RGS6: variants seen among roughly 807,000 people sequenced by gnomAD.
The protein encoded by RGS6 is regulator of G-protein signaling 6.
In RGS6, 30 loss-of-function variants were observed where a neutral mutation model predicts 78.5. That is an observed-to-expected ratio of 0.38 (90% CI 0.29 to 0.52). The LOEUF (loss-of-function observed/expected upper bound fraction) is 0.52, where lower values mean the gene tolerates loss of function less well. RGS6 is among the 20% of genes least tolerant of loss of function. RGS6 has a pLI of 0.85. For missense variants in RGS6, 495 were observed against 609.7 expected (o/e 0.81, Z 1.98); for synonymous variants, 206 against 206.0 (o/e 1.00, Z 0.00).
chr14:72,346,123 A>G (rs889873614), intron 2 of RGS6, among the ~76,000 whole-genome samples: 2 of 152,350 alleles, frequency 1.3e-5, no homozygotes, highest in South Asian at 4.1e-4. Context: ...GAAGTGCTTC[A>G]GTAAAAAGAA....
chr14:71,912,017 T>TC, the RGS6 span, among the ~76,000 whole-genome samples: 1 of 152,148 alleles, frequency 6.6e-6, no homozygotes, highest in Non-Finnish European at 1.5e-5. Flanking sequence ...TTAGGTTCTA[T>TC]CCATCAAAAG....
intron 17 of RGS6, among the ~76,000 whole-genome samples, chr14:72,556,335 G>A (rs1369122951): frequency 6.6e-6 from 1 of 151,978 alleles, no homozygotes; most frequent in East Asian, 1.9e-4. Flanking sequence ...AAAAACCATC[G>A]GATCTCATGA....
chr14:71,947,054 T>A (rs1425126505), intron 1 of RGS6, among the ~76,000 whole-genome samples: 1 of 152,216 alleles, frequency 6.6e-6, no homozygotes, highest in Non-Finnish European at 1.5e-5. Flanking sequence ...TTTCAGGCTG[T>A]CAGCCCCCCT....
chr14:71,915,841 C>T, the RGS6 span, among the ~76,000 whole-genome samples: 2 of 152,104 alleles, frequency 1.3e-5, no homozygotes, highest in Admixed American at 1.3e-4. Flanking sequence ...TTAGGATGGG[C>T]CTTAATCCAC....
intron 2 of RGS6, among the ~76,000 whole-genome samples, chr14:72,074,400 G>A (rs2094507258): frequency 6.6e-6 from 1 of 151,638 alleles, no homozygotes; most frequent in Non-Finnish European, 1.5e-5. Flanking sequence ...GTCTAGCTCT[G>A]TTGCTCAGGC....
intron 2 of RGS6, among the ~76,000 whole-genome samples, chr14:72,048,938 C>T (rs907342025): frequency 6.6e-5 from 10 of 152,132 alleles, no homozygotes; most frequent in African/African-American, 2.4e-4. Flanking sequence ...TATTGCATTT[C>T]ATGTTGCCTA....
the RGS6 span, among the ~76,000 whole-genome samples, chr14:72,589,097 A>T: frequency 1.3e-5 from 2 of 152,258 alleles, no homozygotes; most frequent in African/African-American, 4.8e-5. Flanking sequence ...ACTTGGAAGG[A>T]TGTCTAACTA....
At chr14:72,625,404 C>A in the RGS6 span, among the ~76,000 whole-genome samples, 2 of 152,098 alleles carry the variant, frequency 1.3e-5, no homozygotes, top group African/African-American at 4.8e-5. Flanking sequence ...CTTCCTGTGT[C>A]CTCTAGACGC....
At chr14:72,032,153 A>G (rs1159386286) in intron 2 of RGS6, among the ~76,000 whole-genome samples, 1 of 152,178 alleles carries the variant, frequency 6.6e-6, no homozygotes, top group African/African-American at 2.4e-5. Context: ...TAACCGTTAC[A>G]TAATAGATAT....
intron 13 of RGS6, among the ~76,000 whole-genome samples, chr14:72,509,291 G>A (rs975377689): frequency 5.3e-5 from 8 of 151,772 alleles, no homozygotes; most frequent in African/African-American, 1.9e-4. Flanking sequence ...CTTGAACCCG[G>A]CGGGCAGAGG....
At chr14:71,994,515 T>C (rs921720403) in intron 2 of RGS6, among the ~76,000 whole-genome samples, 1 of 152,108 alleles carries the variant, frequency 6.6e-6, no homozygotes, top group African/African-American at 2.4e-5. Context: ...AGTCTTGTTA[T>C]GTATGAATTG....
chr14:72,538,074 C>T (rs903289392), intron 16 of RGS6, among the ~76,000 whole-genome samples: 5 of 152,238 alleles, frequency 3.3e-5, no homozygotes, highest in East Asian at 1.9e-4. Context: ...ATACCAACAA[C>T]GTCTCAATAC....
At chr14:72,513,130 C>T (rs1466215755) in intron 14 of RGS6, among the ~76,000 whole-genome samples, 1 of 152,226 alleles carries the variant, frequency 6.6e-6, no homozygotes, top group East Asian at 1.9e-4. Flanking sequence ...AGTGCTTCTC[C>T]ACTTCCTCTG....
intron 17 of RGS6, chr14:72,550,640 T>C (rs987094565): frequency 7.1e-5 from 107 of 1,504,060 alleles, no homozygotes; most frequent in Non-Finnish European, 9.0e-5. Context: ...TTCTGAGGCA[T>C]CCATAATTCT....
chr14:72,481,189 G>A (rs1356933605), intron 12 of RGS6, among the ~76,000 whole-genome samples: 2 of 152,106 alleles, frequency 1.3e-5, no homozygotes, highest in Non-Finnish European at 2.9e-5. Context: ...TTAAATTATA[G>A]GATTAATGAG....
rs186955734 is a variant in RGS6, at chr14:72,085,110, G to A, written c.84+120235G>A. Reference sequence around the variant, plus strand: ...GAATAACTTTCTTCCTCACAGAATGGTGGATACTCCATATGTGTAGAATTA... The same window carrying A: ...GAATAACTTTCTTCCTCACAGAATGATGGATACTCCATATGTGTAGAATTA... On this transcript the variant is annotated intron_variant, in intron 2 of 17. Transcript: ENST00000553525. Among the ~76,000 whole-genome samples, 284 of 152,258 alleles carry A rather than the reference G, an allele frequency of 1.9e-3. 2 individuals are homozygous for A. The highest frequency in any genetic ancestry group is 8.1e-4 in the Non-Finnish European group (55 of 68,030).
intron 2 of RGS6, among the ~76,000 whole-genome samples, chr14:72,335,052 T>G (rs1436664891): frequency 7.0e-6 from 1 of 142,062 alleles, no homozygotes; most frequent in Non-Finnish European, 1.6e-5. Flanking sequence ...GTTCTCATGA[T>G]AGTGAATAAG....
rs2093174496 is a variant in RGS6 at position 72,050,658 on chromosome 14, TCTC to T, written c.84+85787_84+85789del. ...GAGATGCTGTGTCTCAAAATTGTGT[TCTC>T]CTCTAGCAGGGAATCAATATACCGT... On this transcript the variant is annotated intron_variant, in intron 2 of 17. Coordinates refer to ENST00000553525, the MANE Select transcript of RGS6 (RefSeq NM_001204424.2). Among the ~76,000 whole-genome samples, 4 of 152,292 alleles carry T rather than the reference TCTC, an allele frequency of 2.6e-5. No individual in the cohort carries two copies. In the South Asian group the frequency reaches 8.3e-4, roughly 32 times the overall value.
intron 2 of RGS6, among the ~76,000 whole-genome samples, chr14:72,206,675 C>T (rs966931006): frequency 6.6e-6 from 1 of 152,096 alleles, no homozygotes; most frequent in Non-Finnish European, 1.5e-5. Context: ...AGGGAAACAC[C>T]CATTTTTAAA....
Sources: allele counts gnomAD v4.1 joint callset (sites outside exome capture counted in the v4.1 genomes callset), GRCh38; gene constraint gnomAD v4.1.1; transcripts MANE v1.5; gene names NCBI Gene and HGNC (gene_info 2026-07-23, HGNC 2026-07-21).